The following NOL4L variants were observed in gnomAD, a reference collection of about 807,000 sequenced individuals.
NOL4L encodes nucleolar protein 4 like.
A neutral mutation model predicts 64.5 loss-of-function variants in NOL4L; 7 were observed. That is an observed-to-expected ratio of 0.11 (90% CI 0.06 to 0.20). NOL4L has a LOEUF of 0.20. NOL4L is among the 10% of genes least tolerant of loss of function. The pLI is 1.00. For missense variants in NOL4L, 680 were observed against 967.1 expected (o/e 0.70, Z 3.94); for synonymous variants, 413 against 401.0 (o/e 1.03, Z -0.36).
rs140248531 is a variant in NOL4L, at chr20:32,473,391, C to G, written c.841+1210G>C. Among the ~76,000 whole-genome samples, 285 of 152,354 alleles carry G rather than the reference C, an allele frequency of 1.9e-3. 1 individual carries two copies. Among genetic ancestry groups the G allele is most frequent in the Non-Finnish European group, 3.2e-3 (215 of 68,034 alleles). On this transcript the variant is annotated intron_variant, in intron 5 of 10. Coordinates refer to ENST00000621426, the MANE Select transcript of NOL4L (RefSeq NM_001256798.2). Reference sequence around the variant, plus strand: ...GCCGGTCCCCACCCCCGTGGGAACGCTGGAAGGCGGCACTGGCCTGGGAGG... The same window carrying G: ...GCCGGTCCCCACCCCCGTGGGAACGGTGGAAGGCGGCACTGGCCTGGGAGG...
chr20:32,558,418 G>A (rs372181545), intron 1 of NOL4L, among the ~76,000 whole-genome samples: 2 of 152,350 alleles, frequency 1.3e-5, no homozygotes, highest in East Asian at 3.9e-4. Flanking sequence ...GCCCCAGGGT[G>A]TGTGTAGGGG....
intron 1 of NOL4L, among the ~76,000 whole-genome samples, chr20:32,583,083 C>T (rs1027372716): frequency 6.6e-6 from 1 of 152,122 alleles, no homozygotes; most frequent in Non-Finnish European, 1.5e-5. Flanking sequence ...GCCCCTCTGC[C>T]CGGCCCCCTG....
At chr20:32,532,102 C>T (rs1330330135) in intron 1 of NOL4L, among the ~76,000 whole-genome samples, 1 of 152,220 alleles carries the variant, frequency 6.6e-6, no homozygotes, top group Non-Finnish European at 1.5e-5. Flanking sequence ...AACAGCTTTG[C>T]ACCTGGTCCA....
intron 2 of NOL4L, among the ~76,000 whole-genome samples, chr20:32,524,707 G>A (rs142191308): frequency 5.7e-4 from 87 of 152,282 alleles, no homozygotes; most frequent in African/African-American, 1.9e-3. Context: ...GGTTTCCTTG[G>A]GGGCTCCTTC....
intron 4 of NOL4L, among the ~76,000 whole-genome samples, chr20:32,495,278 C>G (rs543763138): frequency 1.2e-4 from 19 of 152,364 alleles, no homozygotes; most frequent in African/African-American, 4.3e-4. Context: ...AATGCCAGAG[C>G]CTTAGAATGA....
intron 4 of NOL4L, among the ~76,000 whole-genome samples, chr20:32,475,888 T>A (rs2015362136): frequency 6.6e-6 from 1 of 152,222 alleles, no homozygotes; most frequent in South Asian, 2.1e-4. Flanking sequence ...GGAACCAGTG[T>A]GGATTCGCCT....
At chr20:32,471,914 G>A (rs1445921063) in intron 5 of NOL4L, among the ~76,000 whole-genome samples, 2 of 152,178 alleles carry the variant, frequency 1.3e-5, no homozygotes, top group Non-Finnish European at 2.9e-5. Context: ...AAGCCAAGCA[G>A]ATGCTAGTGC....
chr20:32,547,433 G>T (rs2018747414), intron 1 of NOL4L, among the ~76,000 whole-genome samples: 1 of 152,130 alleles, frequency 6.6e-6, no homozygotes, highest in South Asian at 2.1e-4. Context: ...TGGACTACAG[G>T]CACAAGCCAC....
chr20:32,488,819 TTCTTTCTTTTTCTTTCTTTC>T (rs2016283504), intron 4 of NOL4L, among the ~76,000 whole-genome samples: 8 of 17,994 alleles, frequency 4.4e-4, no homozygotes, highest in African/African-American at 6.8e-4. Context: ...CTTTCTTTCT[TTCTTTCTTTTTCTTTCTTTC>T]TTTCTTTCTT....
chr20:32,467,947 C>A (rs1442148439), intron 5 of NOL4L, among the ~76,000 whole-genome samples: 1 of 152,208 alleles, frequency 6.6e-6, no homozygotes, highest in East Asian at 1.9e-4. Context: ...ACACCTGCTC[C>A]CCAGAGACCC....
rs1363427893 is a variant in NOL4L, at chr20:32,527,924, G to A, written c.322-11C>T. The A allele has an allele frequency of 6.5e-6, 10 of 1,549,240 alleles. No homozygotes were observed. The highest frequency in any genetic ancestry group is 8.7e-6 in the Non-Finnish European group (10 of 1,146,344). On this transcript the variant is annotated splice_polypyrimidine_tract_variant and intron_variant, in intron 1 of 10. Coordinates refer to ENST00000621426, the MANE Select transcript of NOL4L (RefSeq NM_001256798.2). The stretch of plus-strand genomic sequence containing the variant: ...CAGGCCATCTGCCCCCTGCGACAGG[G>A]TGGACAAGCTGTGTTAGTGTCAGGA...
intron 4 of NOL4L, among the ~76,000 whole-genome samples, chr20:32,476,987 G>C (rs2015435569): frequency 6.6e-6 from 1 of 152,242 alleles, no homozygotes; most frequent in Non-Finnish European, 1.5e-5. Flanking sequence ...AGGCAAGGAG[G>C]CTGCTGTGGG....
chr20:32,453,201 TC>T lies in NOL4L; in HGVS notation c.1497+102del. Reference sequence around the variant, plus strand: ...GGATTATGGTACTTGCTTCCAGGGCTCCTGGGAAGACCCTGGGTGAAGGGGC... The same window carrying T: ...GGATTATGGTACTTGCTTCCAGGGCTCTGGGAAGACCCTGGGTGAAGGGGC... On this transcript the variant is annotated intron_variant, in intron 8 of 10. Transcript: ENST00000621426. The surrounding 1 kb of genome is among the most constrained non-coding windows in gnomAD (Gnocchi z 5.6). 6.9e-7 allele frequency: 1 copy of T among 1,455,990 alleles called. No homozygotes were observed. The highest frequency in any genetic ancestry group is 2.1e-5 in the Admixed American group (1 of 48,428). 90.2% of individuals were successfully genotyped at this position (1,455,990 alleles called of 1,614,324 possible). A position where few individuals can be genotyped will look rare whatever the true frequency, so the allele number is the denominator to read the frequency against.
chr20:32,547,231 C>G (rs1291737605), intron 1 of NOL4L, among the ~76,000 whole-genome samples: 1 of 152,158 alleles, frequency 6.6e-6, no homozygotes, highest in Non-Finnish European at 1.5e-5. Context: ...GACACACATG[C>G]CCAATGTCAC....
intron 1 of NOL4L, among the ~76,000 whole-genome samples, chr20:32,576,957 C>T (rs1478696883): frequency 1.3e-5 from 2 of 152,092 alleles, no homozygotes; most frequent in Admixed American, 6.5e-5. Flanking sequence ...CCTTCACTCC[C>T]GGGGGTCCTC....
intron 1 of NOL4L, chr20:32,536,178 C>T: frequency 3.0e-6 from 3 of 985,620 alleles, no homozygotes; most frequent in Non-Finnish European, 3.6e-6. Flanking sequence ...GCTCTGTCTG[C>T]TACTCTGGCG....
At chr20:32,470,273 CA>C (rs2014911110) in intron 5 of NOL4L, among the ~76,000 whole-genome samples, 1 of 152,386 alleles carries the variant, frequency 6.6e-6, no homozygotes, top group South Asian at 2.1e-4. Flanking sequence ...GAAGCACATC[CA>C]GGGGAAACGG....
chr20:32,515,571 C>T (rs2017617050), intron 3 of NOL4L, among the ~76,000 whole-genome samples: 1 of 151,030 alleles, frequency 6.6e-6, no homozygotes, highest in Admixed American at 6.6e-5. Flanking sequence ...GGAGCAGGGG[C>T]CAGTGGAAGC....
intron 4 of NOL4L, among the ~76,000 whole-genome samples, chr20:32,485,034 C>T (rs1375004827): frequency 2.0e-5 from 2 of 101,308 alleles, no homozygotes; most frequent in African/African-American, 7.3e-5. Context: ...GAACTGCCCT[C>T]GTGGAATTCT....
Sources: allele counts gnomAD v4.1 joint callset (sites outside exome capture counted in the v4.1 genomes callset), GRCh38; gene constraint gnomAD v4.1.1; non-coding constraint Gnocchi (gnomAD v3.1); transcripts MANE v1.5; gene names NCBI Gene and HGNC (gene_info 2026-07-23, HGNC 2026-07-21).